NRXN3: variants seen among roughly 807,000 people sequenced by gnomAD.
The protein encoded by NRXN3 is neurexin III.
A neutral mutation model predicts 137.6 loss-of-function variants in NRXN3; 32 were observed. The ratio of observed to expected loss-of-function variants is 0.23; its 90% CI spans 0.18 to 0.31. NRXN3 has a LOEUF of 0.31. Ranked by LOEUF, NRXN3 falls within the 10% of genes least tolerant of loss-of-function variation. The probability of loss-of-function intolerance (pLI) is 1.00; values close to 1 mark genes in which losing one functional copy is unlikely to be tolerated. For missense variants in NRXN3, 1,574 were observed against 2,062.5 expected (o/e 0.76, Z 4.59); for synonymous variants, 798 against 784.5 (o/e 1.02, Z -0.29).
rs181143549 is a variant in NRXN3, at chr14:78,967,166, G to A, written c.2778-42G>A. The A allele has an allele frequency of 5.1e-5, 80 of 1,561,152 alleles. 3 individuals carry two copies. In the East Asian group the frequency reaches 1.1e-3, roughly 21 times the overall value. On this transcript the variant is annotated intron_variant, in intron 12 of 20. Transcript: ENST00000335750. ...ACACATATAGCCATTAAACCACTTC[G>A]GGGATTTTCCAATTATTGTTTTTTT...
intron 15 of NRXN3, among the ~76,000 whole-genome samples, chr14:79,446,469 T>C (rs1476693561): frequency 1.3e-5 from 2 of 152,336 alleles, no homozygotes; most frequent in Middle Eastern, 3.4e-3. Context: ...ATTTGTTCTA[T>C]GTATTCATTC....
At chr14:79,336,407 C>T (rs2092263387) in intron 15 of NRXN3, among the ~76,000 whole-genome samples, 1 of 152,118 alleles carries the variant, frequency 6.6e-6, no homozygotes, top group South Asian at 2.1e-4. Flanking sequence ...AACAATTGTC[C>T]TCTATAATAT....
chr14:78,814,780 G>A (rs1433050959), intron 10 of NRXN3, among the ~76,000 whole-genome samples: 6 of 152,224 alleles, frequency 3.9e-5, no homozygotes, highest in South Asian at 2.1e-4. Flanking sequence ...TCATGAGTGC[G>A]CAAGTGAAAG....
At chr14:78,443,182 G>A (rs1318012312) in intron 4 of NRXN3, among the ~76,000 whole-genome samples, 1 of 152,176 alleles carries the variant, frequency 6.6e-6, no homozygotes, top group Non-Finnish European at 1.5e-5. Context: ...AGGGATACCT[G>A]GTTTCCTTCT....
intron 20 of NRXN3, among the ~76,000 whole-genome samples, chr14:79,855,163 G>A (rs2099399914): frequency 6.6e-6 from 1 of 152,106 alleles, no homozygotes; most frequent in Non-Finnish European, 1.5e-5. Context: ...AAATATTTCA[G>A]GTGGGTACCA....
At chr14:78,632,889 C>T (rs1384771121) in intron 4 of NRXN3, among the ~76,000 whole-genome samples, 1 of 151,914 alleles carries the variant, frequency 6.6e-6, no homozygotes, top group African/African-American at 2.4e-5. Flanking sequence ...TGTTAATTTC[C>T]TGTTCTTTGT....
chr14:79,638,739 C>G (rs2098418125), intron 16 of NRXN3, among the ~76,000 whole-genome samples: 1 of 152,084 alleles, frequency 6.6e-6, no homozygotes, highest in Admixed American at 6.6e-5. Context: ...GGGAAAGGAA[C>G]AGGATGGTAG....
intron 16 of NRXN3, among the ~76,000 whole-genome samples, chr14:79,478,849 G>C (rs955197348): frequency 6.6e-6 from 1 of 152,114 alleles, no homozygotes. Flanking sequence ...GCAAGTGGCA[G>C]ATCAGAGCCC....
At chr14:79,249,209 G>T (rs2075619828) in intron 15 of NRXN3, among the ~76,000 whole-genome samples, 1 of 152,014 alleles carries the variant, frequency 6.6e-6, no homozygotes, top group Non-Finnish European at 1.5e-5. Flanking sequence ...AGGAAGTAGG[G>T]AAAAAAGAAA....
intron 10 of NRXN3, among the ~76,000 whole-genome samples, chr14:78,906,907 G>A (rs1023422019): frequency 7.2e-5 from 11 of 151,896 alleles, no homozygotes; most frequent in Middle Eastern, 3.4e-3. Flanking sequence ...ACTGTGACTT[G>A]GGGCATGTGC....
At chr14:79,408,182 C>T (rs964353245) in intron 15 of NRXN3, among the ~76,000 whole-genome samples, 4 of 152,096 alleles carry the variant, frequency 2.6e-5, no homozygotes, top group Admixed American at 2.0e-4. Flanking sequence ...CAAGTGTTTG[C>T]AGACCTGCAC....
At chr14:79,153,749 A>C (rs191161021) in intron 15 of NRXN3, among the ~76,000 whole-genome samples, 1 of 152,120 alleles carries the variant, frequency 6.6e-6, no homozygotes, top group Non-Finnish European at 1.5e-5. Flanking sequence ...AATTTATCAG[A>C]GCTTGTTCCT....
At chr14:78,221,772 A>G (rs957287477) in intron 1 of NRXN3, among the ~76,000 whole-genome samples, 6 of 152,182 alleles carry the variant, frequency 3.9e-5, no homozygotes, top group Admixed American at 3.3e-4. Flanking sequence ...CTGGTGGGCT[A>G]GAACAGGCAT....
intron 18 of NRXN3, 146 bp from the exon 19 acceptor site, chr14:79,697,484 G>A (rs1042763809): frequency 3.2e-5 from 22 of 691,794 alleles, no homozygotes; most frequent in South Asian, 1.0e-4. Flanking sequence ...ACTTGCTAAC[G>A]TCAGTACTGA....
In NRXN3 at chr14:79,766,530, G is replaced by A. The variant is rs549062341; in HGVS notation, c.4015-38582G>A. Among the ~76,000 whole-genome samples, 230 of 152,256 alleles carry A rather than the reference G, an allele frequency of 1.5e-3. 1 individual carries two copies. The highest frequency in any genetic ancestry group is 2.8e-3 in the Admixed American group (43 of 15,288). ...ATTGAATCTGCTACCTACGACCACTGGCCAAGGGGTCTTGTCATCATTGCA... is the reference window on the plus strand; with the variant it reads ...ATTGAATCTGCTACCTACGACCACTAGCCAAGGGGTCTTGTCATCATTGCA... On this transcript the variant is annotated intron_variant, in intron 19 of 20. Coordinates refer to ENST00000335750, the MANE Select transcript of NRXN3 (RefSeq NM_001330195.2).
At chr14:79,410,286 C>T (rs1489643302) in intron 15 of NRXN3, among the ~76,000 whole-genome samples, 1 of 152,026 alleles carries the variant, frequency 6.6e-6, no homozygotes, top group African/African-American at 2.4e-5. Context: ...GACCCTCAAG[C>T]CTCTTAATGT....
At chr14:79,503,740 T>C (rs1319990020) in intron 16 of NRXN3, among the ~76,000 whole-genome samples, 1 of 152,166 alleles carries the variant, frequency 6.6e-6, no homozygotes, top group Non-Finnish European at 1.5e-5. Context: ...GGATTCCCAG[T>C]GTCTCATAGA....
chr14:79,105,829 G>A (rs955281063), intron 15 of NRXN3, among the ~76,000 whole-genome samples: 4 of 152,084 alleles, frequency 2.6e-5, no homozygotes, highest in African/African-American at 9.7e-5. Flanking sequence ...GAAAGTAAGA[G>A]ATTTAAAATA....
intron 19 of NRXN3, among the ~76,000 whole-genome samples, chr14:79,741,609 C>T (rs933204654): frequency 5.3e-5 from 8 of 151,990 alleles, no homozygotes; most frequent in Non-Finnish European, 7.4e-5. Context: ...CTCAGCTTCC[C>T]GAGTAGCTGG....
Sources: allele counts gnomAD v4.1 joint callset (sites outside exome capture counted in the v4.1 genomes callset), GRCh38; gene constraint gnomAD v4.1.1; transcripts MANE v1.5; gene names NCBI Gene and HGNC (gene_info 2026-07-23, HGNC 2026-07-21).